The following NT5DC1 variants were observed in gnomAD, a reference collection of about 807,000 sequenced individuals.
NT5DC1 encodes 5'-nucleotidase domain containing 1.
Under a neutral mutation model 59.4 loss-of-function variants are expected in NT5DC1, and 42 were observed. The observed-to-expected ratio is 0.71, with a 90% CI of 0.55 to 0.92. The LOEUF is 0.92. Among genes scored for constraint, NT5DC1 ranks in the 40% least tolerant of loss-of-function variants. The pLI, the probability that NT5DC1 is intolerant of heterozygous loss-of-function variation, is 0.00. For missense variants in NT5DC1, 501 were observed against 537.1 expected, an observed-to-expected ratio of 0.93 and a Z score of 0.66; for synonymous variants, 172 against 188.1, an observed-to-expected ratio of 0.91 and a Z score of 0.70.
intron 6 of NT5DC1, among the ~76,000 whole-genome samples, chr6:116,153,316 T>A (rs1200319808): frequency 1.4e-5 from 2 of 143,018 alleles, no homozygotes; most frequent in African/African-American, 5.5e-5. Flanking sequence ...TTACACAGAC[T>A]GCCCATAAAC....
intron 6 of NT5DC1, among the ~76,000 whole-genome samples, chr6:116,191,924 T>C (rs1402571501): frequency 6.6e-6 from 1 of 152,094 alleles, no homozygotes; most frequent in Non-Finnish European, 1.5e-5. Flanking sequence ...TGCTGCTTCC[T>C]GTAAGCTACA....
At position 116,248,528 on chromosome 6, in the gene NT5DC1, A is replaced by C. The variant is rs1771889027; in HGVS notation, c.*4504A>C. The stretch of plus-strand genomic sequence containing the variant: ...TAACTGGAGATAAAGCAGCAGCACG[A>C]GGAGTAATGGGGAGAAGGGCCTGAT... On this transcript the variant is annotated 3_prime_UTR_variant, in exon 12 of 12. Transcript: ENST00000319550. 6.6e-6 allele frequency: 1 copy of C among 152,260 alleles called. No homozygotes were observed. Among genetic ancestry groups the C allele is most frequent in the Non-Finnish European group, 1.5e-5 (1 of 68,058 alleles). The allele number at this position is 152,260 out of a possible 1,614,324, so 9.4% of individuals were successfully genotyped here.
chr6:116,105,122 G>A (rs1454526606), intron 1 of NT5DC1, among the ~76,000 whole-genome samples: 1 of 152,182 alleles, frequency 6.6e-6, no homozygotes, highest in Non-Finnish European at 1.5e-5. Flanking sequence ...ATGACAGGGA[G>A]CAACTCGATT....
intron 6 of NT5DC1, among the ~76,000 whole-genome samples, chr6:116,197,132 C>T (rs747181156): frequency 7.2e-5 from 11 of 151,820 alleles, no homozygotes; most frequent in Non-Finnish European, 1.5e-4. Flanking sequence ...TTGTAGTGGG[C>T]CAGCTGCCCT....
chr6:116,115,086 A>C (rs1778940620), intron 4 of NT5DC1, among the ~76,000 whole-genome samples: 4 of 152,238 alleles, frequency 2.6e-5, no homozygotes, highest in African/African-American at 7.2e-5. Context: ...TTCTACCCTA[A>C]AGTCATACAG....
At chr6:116,121,087 C>T (rs1187481184) in intron 6 of NT5DC1, 1 of 1,613,854 alleles carries the variant, frequency 6.2e-7, no homozygotes, top group Non-Finnish European at 8.5e-7. Flanking sequence ...CTTGGGGTCC[C>T]ATATTCCCAG....
chr6:116,235,641 G>A (rs991347385), intron 8 of NT5DC1, among the ~76,000 whole-genome samples: 4 of 152,190 alleles, frequency 2.6e-5, no homozygotes, highest in Non-Finnish European at 4.4e-5. Flanking sequence ...TTTCATTTCA[G>A]TTATAATGAT....
At chr6:116,154,405 G>A (rs898802096) in intron 6 of NT5DC1, among the ~76,000 whole-genome samples, 5 of 151,908 alleles carry the variant, frequency 3.3e-5, no homozygotes, top group African/African-American at 9.7e-5. Context: ...GTTATTACTT[G>A]TTTTCTTACC....
At chr6:116,160,024 C>T (rs1227705219) in intron 6 of NT5DC1, among the ~76,000 whole-genome samples, 1 of 152,110 alleles carries the variant, frequency 6.6e-6, no homozygotes, top group Non-Finnish European at 1.5e-5. Context: ...TTTTGATGGA[C>T]ACTTAGGTCA....
At chr6:116,224,246 A>T (rs747431507) in intron 8 of NT5DC1, among the ~76,000 whole-genome samples, 72 of 152,210 alleles carry the variant, frequency 4.7e-4, no homozygotes, top group Non-Finnish European at 6.5e-4. Context: ...ATTTACTTTG[A>T]ACTTTGCTAT....
chr6:116,142,430 C>T (rs1338324986), intron 6 of NT5DC1, among the ~76,000 whole-genome samples: 1 of 152,008 alleles, frequency 6.6e-6, no homozygotes, highest in African/African-American at 2.4e-5. Flanking sequence ...TTTTATATAT[C>T]ATCAATGCTA....
At chr6:116,191,076 G>A (rs191727489) in intron 6 of NT5DC1, among the ~76,000 whole-genome samples, 2 of 152,066 alleles carry the variant, frequency 1.3e-5, no homozygotes, top group East Asian at 1.9e-4. Context: ...GCCAACACCC[G>A]AGTCTCTGAA....
At chr6:116,190,655 G>A (rs1246717504) in intron 6 of NT5DC1, among the ~76,000 whole-genome samples, 2 of 152,004 alleles carry the variant, frequency 1.3e-5, no homozygotes, top group Admixed American at 6.6e-5. Context: ...TTATTGGATC[G>A]TCAATAAAAT....
At chr6:116,128,075 TAG>T (rs1331650896) in intron 6 of NT5DC1, among the ~76,000 whole-genome samples, 1 of 152,114 alleles carries the variant, frequency 6.6e-6, no homozygotes, top group East Asian at 1.9e-4. Flanking sequence ...TAGTACTTAT[TAG>T]AGACACAAAA....
chr6:116,198,551 GA>G (rs1156497079), intron 6 of NT5DC1, among the ~76,000 whole-genome samples: 2 of 151,746 alleles, frequency 1.3e-5, no homozygotes, highest in African/African-American at 4.8e-5. Context: ...ACAGCATAAT[GA>G]GACCTCATCC....
At chr6:116,152,432 T>G (rs963451751) in intron 6 of NT5DC1, among the ~76,000 whole-genome samples, 2 of 152,124 alleles carry the variant, frequency 1.3e-5, no homozygotes, top group Admixed American at 1.3e-4. Context: ...AAAACAACTT[T>G]TGAACTCCTG....
At chr6:116,187,327 A>C (rs1459635152) in intron 6 of NT5DC1, among the ~76,000 whole-genome samples, 1 of 152,046 alleles carries the variant, frequency 6.6e-6, no homozygotes, top group Non-Finnish European at 1.5e-5. Context: ...TCCAACCAAA[A>C]TTTTAACAAG....
chr6:116,209,747 A>G (rs1781535439), intron 6 of NT5DC1, among the ~76,000 whole-genome samples: 1 of 151,928 alleles, frequency 6.6e-6, no homozygotes, highest in Admixed American at 6.6e-5. Flanking sequence ...AGCAGAGACA[A>G]TATCAGTTCA....
intron 1 of NT5DC1, among the ~76,000 whole-genome samples, chr6:116,102,235 C>G (rs538765509): frequency 1.6e-4 from 24 of 151,470 alleles, no homozygotes; most frequent in African/African-American, 5.9e-4. Flanking sequence ...GTTCCTGCAC[C>G]CACCAGTTCA....
Sources: gnomAD v4.1 joint callset for allele counts (sites outside exome capture counted in the v4.1 genomes callset) on GRCh38, gnomAD v4.1.1 for gene constraint, MANE v1.5 for transcripts, NCBI Gene and HGNC (gene_info 2026-07-23, HGNC 2026-07-21) for gene names.